The following PRKD1 variants were observed in gnomAD, a reference collection of about 807,000 sequenced individuals.
PRKD1 encodes protein kinase D1, also known as serine/threonine-protein kinase D1.
A neutral mutation model predicts 95.9 loss-of-function variants in PRKD1; 63 were observed. The ratio of observed to expected loss-of-function variants is 0.66; its 90% CI spans 0.54 to 0.81. PRKD1 has a LOEUF of 0.81. Among genes scored for constraint, PRKD1 ranks in the 30% least tolerant of loss-of-function variants. PRKD1 has a pLI of 0.00. For synonymous variants in PRKD1, 425 were observed against 423.1 expected, an observed-to-expected ratio of 1.00 and a Z score of -0.05; for missense variants, 1,048 against 1,165.3, an observed-to-expected ratio of 0.90 and a Z score of 1.47.
At chr14:29,577,845 T>C (rs1892612788) in intron 17 of PRKD1, among the ~76,000 whole-genome samples, 3 of 152,184 alleles carry the variant, frequency 2.0e-5, no homozygotes, top group Admixed American at 2.0e-4. Context: ...TTGCCATGCA[T>C]TTGTTCCATA....
intron 4 of PRKD1, among the ~76,000 whole-genome samples, chr14:29,639,671 A>AT (rs1880633383): frequency 6.6e-6 from 1 of 151,896 alleles, no homozygotes; most frequent in Admixed American, 6.6e-5. Context: ...AAAGAAAGAA[A>AT]GAAAAAAATG....
chr14:29,889,863 G>T (rs1008959976), intron 1 of PRKD1, among the ~76,000 whole-genome samples: 1 of 152,186 alleles, frequency 6.6e-6, no homozygotes, highest in Non-Finnish European at 1.5e-5. Flanking sequence ...TTGTGCATGT[G>T]TACCCTAGAA....
At chr14:29,584,244 C>T (rs1406741788) in intron 16 of PRKD1, among the ~76,000 whole-genome samples, 1 of 152,132 alleles carries the variant, frequency 6.6e-6, no homozygotes, top group Non-Finnish European at 1.5e-5. Context: ...AGTCATTCTC[C>T]ATTTTAAAGC....
chr14:29,594,272 T>C, intron 16 of PRKD1: 1 of 315,866 alleles, frequency 3.2e-6, no homozygotes, highest in Non-Finnish European at 6.2e-6. Flanking sequence ...TGCTTTTTCA[T>C]GCCAGGAAAA....
At chr14:29,834,217 C>A (rs1049687140) in intron 1 of PRKD1, among the ~76,000 whole-genome samples, 1 of 152,020 alleles carries the variant, frequency 6.6e-6, no homozygotes, top group African/African-American at 2.4e-5. Flanking sequence ...AGCTGTTAGC[C>A]ATTCATTGTT....
chr14:29,680,801 A>C (rs1008082575), intron 2 of PRKD1, among the ~76,000 whole-genome samples: 1 of 152,214 alleles, frequency 6.6e-6, no homozygotes, highest in African/African-American at 2.4e-5. Flanking sequence ...GAGTCTTTTG[A>C]GATGTAAAAA....
At chr14:29,841,026 A>C (rs1891820429) in intron 1 of PRKD1, among the ~76,000 whole-genome samples, 1 of 152,220 alleles carries the variant, frequency 6.6e-6, no homozygotes, top group Non-Finnish European at 1.5e-5. Flanking sequence ...TGGAGCTTTA[A>C]GATTTGACTG....
intron 1 of PRKD1, among the ~76,000 whole-genome samples, chr14:29,853,815 G>A (rs1195140026): frequency 6.6e-6 from 1 of 152,168 alleles, no homozygotes; most frequent in African/African-American, 2.4e-5. Flanking sequence ...TCTTTCCCAT[G>A]CTGTTCTCAT....
At chr14:29,690,679 C>T (rs1205331329) in intron 2 of PRKD1, among the ~76,000 whole-genome samples, 2 of 152,256 alleles carry the variant, frequency 1.3e-5, no homozygotes, top group Non-Finnish European at 1.5e-5. Flanking sequence ...TTTATGTAAT[C>T]CTCCAATCTG....
chr14:29,709,074 A>G (rs990339689), intron 2 of PRKD1, among the ~76,000 whole-genome samples: 2 of 152,164 alleles, frequency 1.3e-5, no homozygotes, highest in African/African-American at 2.4e-5. Flanking sequence ...GCAAATTCAG[A>G]TCTAAAGAGA....
chr14:29,709,389 A>G (rs1370964061), intron 2 of PRKD1, among the ~76,000 whole-genome samples: 1 of 152,178 alleles, frequency 6.6e-6, no homozygotes, highest in Non-Finnish European at 1.5e-5. Flanking sequence ...TGATTAACAC[A>G]AATTTCAAGA....
intron 2 of PRKD1, among the ~76,000 whole-genome samples, chr14:29,677,621 G>A (rs1339080109): frequency 6.6e-6 from 1 of 152,176 alleles, no homozygotes; most frequent in Non-Finnish European, 1.5e-5. Flanking sequence ...TGTCACCCAG[G>A]CTGGAGTGCA....
At chr14:29,870,896 C>T (rs1893082382) in intron 1 of PRKD1, among the ~76,000 whole-genome samples, 1 of 152,196 alleles carries the variant, frequency 6.6e-6, no homozygotes, top group Non-Finnish European at 1.5e-5. Context: ...CAGACTTCTA[C>T]ACTGAATCGT....
chr14:29,822,339 T>C (rs1350492004), intron 1 of PRKD1, among the ~76,000 whole-genome samples: 1 of 152,224 alleles, frequency 6.6e-6, no homozygotes, highest in African/African-American at 2.4e-5. Flanking sequence ...CTGAATTTCA[T>C]CTTACGGGCA....
At chr14:29,622,944 G>GT (rs1230029004) in intron 13 of PRKD1, among the ~76,000 whole-genome samples, 1 of 152,144 alleles carries the variant, frequency 6.6e-6, no homozygotes, top group Non-Finnish European at 1.5e-5. Context: ...CCCTGCAAAA[G>GT]TATCTTCCTT....
chr14:29,763,349 A>AGGAAGGAAGGAAGGAAGGAG lies in PRKD1; in HGVS notation c.265-37695_265-37676dup, dbSNP rs1555342532. ...AAAGAAGGAAGGAAGGAACGAAGCA[A>AGGAAGGAAGGAAGGAAGGAG]GGAAGGAAGGAAGGAAGGAGGGAAG... is the stretch of plus-strand genomic sequence containing the variant. On this transcript the variant is annotated intron_variant, in intron 1 of 17. Transcript: ENST00000331968. 7.0e-3 allele frequency among the ~76,000 whole-genome samples: 847 copies of AGGAAGGAAGGAAGGAAGGAG among 120,226 alleles called. 21 individuals carry two copies. The highest frequency in any genetic ancestry group is 0.026 in the African/African-American group (779 of 30,222). 78.9% of individuals were successfully genotyped at this position (120,226 alleles called of 152,430 possible).
At chr14:29,599,897 T>C in intron 13 of PRKD1, 80 bp from the exon 14 acceptor site, 1 of 1,355,972 alleles carries the variant, frequency 7.4e-7, no homozygotes. Flanking sequence ...TACAAAACTG[T>C]TCAAGCTTAG....
chr14:29,884,836 T>C (rs1219754441), intron 1 of PRKD1, among the ~76,000 whole-genome samples: 1 of 152,072 alleles, frequency 6.6e-6, no homozygotes, highest in Non-Finnish European at 1.5e-5. Context: ...TCTTAAGAAT[T>C]AGTAGGCTGG....
intron 1 of PRKD1, among the ~76,000 whole-genome samples, chr14:29,790,303 G>A (rs759820099): frequency 2.6e-5 from 4 of 151,990 alleles, no homozygotes; most frequent in African/African-American, 7.3e-5. Context: ...GATTACAAGT[G>A]TGAGCCACCA....
Sources: gnomAD v4.1 joint callset for allele counts (sites outside exome capture counted in the v4.1 genomes callset) on GRCh38, gnomAD v4.1.1 for gene constraint, MANE v1.5 for transcripts, NCBI Gene and HGNC (gene_info 2026-07-23, HGNC 2026-07-21) for gene names.